The following TMEM167A variants were observed in gnomAD, a reference collection of about 807,000 sequenced individuals.
TMEM167A encodes protein kish-A.
Under a neutral mutation model 11.6 loss-of-function variants are expected in TMEM167A, and 8 were observed. The ratio of observed to expected loss-of-function variants is 0.69; its 90% CI spans 0.40 to 1.24. The LOEUF (loss-of-function observed/expected upper bound fraction) is 1.24. Ranked by LOEUF, TMEM167A falls within the 50% of genes most tolerant of loss-of-function variation. TMEM167A has a pLI of 0.01. For missense variants in TMEM167A, 62 were observed against 87.0 expected, an observed-to-expected ratio of 0.71 and a Z score of 1.14; for synonymous variants, 22 against 28.0, an observed-to-expected ratio of 0.79 and a Z score of 0.67.
At chr5:83,065,354 C>T (rs538758737) in intron 1 of TMEM167A, among the ~76,000 whole-genome samples, 109 of 151,920 alleles carry the variant, frequency 7.2e-4, no homozygotes, top group African/African-American at 2.5e-3. Flanking sequence ...TTTGGCTGGG[C>T]GGAGAATGGG....
chr5:83,057,370 T>C (rs1180434628), intron 3 of TMEM167A, among the ~76,000 whole-genome samples: 1 of 152,098 alleles, frequency 6.6e-6, no homozygotes, highest in African/African-American at 2.4e-5. Flanking sequence ...AAGAGGATCT[T>C]CTTTTCATAT....
intron 1 of TMEM167A, among the ~76,000 whole-genome samples, chr5:83,072,405 A>G (rs1171626252): frequency 6.6e-6 from 1 of 152,254 alleles, no homozygotes; most frequent in African/African-American, 2.4e-5. Context: ...ACAAAAACTG[A>G]TAAAATGTCC....
At chr5:83,067,548 A>C (rs1744501031) in intron 1 of TMEM167A, among the ~76,000 whole-genome samples, 1 of 152,208 alleles carries the variant, frequency 6.6e-6, no homozygotes, top group Non-Finnish European at 1.5e-5. Flanking sequence ...TCTACTGCCC[A>C]GGCTGAAGTG....
intron 2 of TMEM167A, among the ~76,000 whole-genome samples, chr5:83,063,735 G>C (rs967624377): frequency 6.6e-6 from 1 of 151,758 alleles, no homozygotes; most frequent in Non-Finnish European, 1.5e-5. Flanking sequence ...CCTGTTAGTT[G>C]ATTTAAAAAA....
chr5:83,064,077 A>G (rs1744444370), intron 2 of TMEM167A: 1 of 326,002 alleles, frequency 3.1e-6, no homozygotes, highest in African/African-American at 2.2e-5. Flanking sequence ...CTTAGTTATA[A>G]ATCAACATAA....
chr5:83,077,376 G>C lies in TMEM167A; in HGVS notation c.-53C>G. ...TCACCCTTCCGGGGCTCAGGCGGAA[G>C]AGGCTGCATGTCCCGTCTGCCCTTC... is the stretch of plus-strand genomic sequence containing the variant. On this transcript the variant is annotated 5_prime_UTR_variant, in exon 1 of 4. Transcript: ENST00000502346. 2 of 1,614,062 alleles carry C rather than the reference G, an allele frequency of 1.2e-6. No individual in the cohort carries two copies. The highest frequency in any genetic ancestry group is 1.7e-6 in the Non-Finnish European group (2 of 1,179,902).
chr5:83,077,119 G>A (rs1049613392), intron 1 of TMEM167A, among the ~76,000 whole-genome samples: 6 of 152,190 alleles, frequency 3.9e-5, no homozygotes, highest in Non-Finnish European at 8.8e-5. Context: ...GACTTTGCAT[G>A]AGGGGCGGGC....
chr5:83,063,335 A>T (rs540087637), intron 2 of TMEM167A, among the ~76,000 whole-genome samples: 1 of 152,254 alleles, frequency 6.6e-6, no homozygotes, highest in Non-Finnish European at 1.5e-5. Flanking sequence ...ATGGTGACTT[A>T]GATGTACTGT....
At chr5:83,062,887 A>G (rs1248577425) in intron 2 of TMEM167A, among the ~76,000 whole-genome samples, 1 of 149,390 alleles carries the variant, frequency 6.7e-6, no homozygotes, top group Non-Finnish European at 1.5e-5. Context: ...ATGGCTGGCT[A>G]GTGAATCATT....
chr5:83,066,179 T>C (rs1422102678), intron 1 of TMEM167A, among the ~76,000 whole-genome samples: 1 of 152,084 alleles, frequency 6.6e-6, no homozygotes, highest in Non-Finnish European at 1.5e-5. Flanking sequence ...TGTGTATATA[T>C]AACAAAGAAT....
At chr5:83,070,390 T>C (rs561441467) in intron 1 of TMEM167A, among the ~76,000 whole-genome samples, 1 of 152,300 alleles carries the variant, frequency 6.6e-6, no homozygotes, top group African/African-American at 2.4e-5. Flanking sequence ...TGTAGACTTA[T>C]CTGACAACTC....
intron 2 of TMEM167A, among the ~76,000 whole-genome samples, chr5:83,063,003 G>T (rs539744792): frequency 1.6e-4 from 25 of 151,860 alleles, no homozygotes; most frequent in African/African-American, 6.0e-4. Context: ...AGGTCTCTTA[G>T]CCTATCAACC....
chr5:83,071,918 GTTTCA>G (rs1253874386), intron 1 of TMEM167A, among the ~76,000 whole-genome samples: 6 of 152,116 alleles, frequency 3.9e-5, no homozygotes, highest in African/African-American at 1.4e-4. Context: ...CCACTTGTCA[GTTTCA>G]TTTCATTTGT....
chr5:83,071,495 AG>A (rs1239280783), intron 1 of TMEM167A: 3 of 152,294 alleles, frequency 2.0e-5, no homozygotes, highest in African/African-American at 7.2e-5. Context: ...CAGAAAATCT[AG>A]GTCAGGTCAG....
chr5:83,054,263 G>A lies in TMEM167A; in HGVS notation c.*2821C>T, dbSNP rs910326716. ...CAGGGATTAACAAGACACTGGACTTGATCCTCAAATTATTTAAGCCACAGA... is the reference window on the plus strand; with the variant it reads ...CAGGGATTAACAAGACACTGGACTTAATCCTCAAATTATTTAAGCCACAGA... On this transcript the variant is annotated 3_prime_UTR_variant, in exon 4 of 4. Coordinates refer to ENST00000502346, the MANE Select transcript of TMEM167A (RefSeq NM_174909.5). 2.6e-5 allele frequency: 4 copies of A among 151,944 alleles called. No homozygotes were observed. The highest frequency in any genetic ancestry group is 7.2e-5 in the African/African-American group (3 of 41,400). 9.4% of individuals were successfully genotyped at this position (151,944 alleles called of 1,614,324 possible). A position where few individuals can be genotyped will look rare whatever the true frequency, so the allele number is the denominator to read the frequency against.
chr5:83,071,020 G>A lies in TMEM167A; in HGVS notation c.4-5903C>T, dbSNP rs144787818. On this transcript the variant is annotated intron_variant, in intron 1 of 3. Coordinates refer to ENST00000502346, the MANE Select transcript of TMEM167A (RefSeq NM_174909.5). ...CAAAAAGAAAGAAACAATGAGAAAA[G>A]CAGAAGAAATATACACATCAATATG... Among the ~76,000 whole-genome samples, 9 of 152,172 alleles carry A rather than the reference G, an allele frequency of 5.9e-5. No individual in the cohort carries two copies. In the East Asian group the frequency reaches 1.2e-3, roughly 20 times the overall value.
At chr5:83,074,011 G>A (rs1194639825) in intron 1 of TMEM167A, among the ~76,000 whole-genome samples, 1 of 152,144 alleles carries the variant, frequency 6.6e-6, no homozygotes, top group Non-Finnish European at 1.5e-5. Context: ...TATACTCTAT[G>A]TTGTTACCAG....
intron 1 of TMEM167A, among the ~76,000 whole-genome samples, chr5:83,070,012 G>T (rs930030174): frequency 1.3e-5 from 2 of 152,116 alleles, no homozygotes; most frequent in Non-Finnish European, 2.9e-5. Flanking sequence ...AAATCAAGTA[G>T]AAAGATGCAA....
chr5:83,073,003 C>T (rs1314546070), intron 1 of TMEM167A, among the ~76,000 whole-genome samples: 1 of 152,188 alleles, frequency 6.6e-6, no homozygotes, highest in African/African-American at 2.4e-5. Flanking sequence ...ATTATCTGAA[C>T]TGCTACCTCC....
Sources: gnomAD v4.1 joint callset for allele counts (sites outside exome capture counted in the v4.1 genomes callset) on GRCh38, gnomAD v4.1.1 for gene constraint, MANE v1.5 for transcripts, NCBI Gene and HGNC (gene_info 2026-07-23, HGNC 2026-07-21) for gene names.